The following OSBPL1A variants were observed in gnomAD, a reference collection of about 807,000 sequenced individuals.
The protein encoded by OSBPL1A is oxysterol-binding protein-related protein 1.
A neutral mutation model predicts 137.1 loss-of-function variants in OSBPL1A; 80 were observed. The ratio of observed to expected loss-of-function variants is 0.58; its 90% CI spans 0.49 to 0.70. The LOEUF (loss-of-function observed/expected upper bound fraction) is 0.70. Ranked by LOEUF, OSBPL1A falls within the 30% of genes least tolerant of loss-of-function variation. The pLI, the probability that OSBPL1A is intolerant of heterozygous loss-of-function variation, is 0.00. For missense variants in OSBPL1A, 970 were observed against 1,129.4 expected, an observed-to-expected ratio of 0.86 and a Z score of 2.02; for synonymous variants, 365 against 389.7, an observed-to-expected ratio of 0.94 and a Z score of 0.75.
chr18:24,296,996 A>C (rs2090304160), intron 14 of OSBPL1A, among the ~76,000 whole-genome samples: 1 of 152,140 alleles, frequency 6.6e-6, no homozygotes, highest in African/African-American at 2.4e-5. Context: ...TTTTGGTATT[A>C]GGGTGATACT....
intron 17 of OSBPL1A, among the ~76,000 whole-genome samples, chr18:24,224,158 G>A (rs1339022160): frequency 2.0e-5 from 3 of 151,984 alleles, no homozygotes; most frequent in Non-Finnish European, 4.4e-5. Flanking sequence ...GACATTTTTT[G>A]TTAACAAAGG....
intron 4 of OSBPL1A, chr18:24,357,430 G>T (rs2091555950): frequency 6.6e-6 from 1 of 152,160 alleles, no homozygotes; most frequent in African/African-American, 2.4e-5. Flanking sequence ...TTTGCGTGTG[G>T]TGGGCCTGGG....
intron 1 of OSBPL1A, among the ~76,000 whole-genome samples, chr18:24,389,436 T>C (rs1907172835): frequency 6.6e-6 from 1 of 152,200 alleles, no homozygotes; most frequent in African/African-American, 2.4e-5. Context: ...TATCATAAAA[T>C]TACTTAAACT....
At chr18:24,244,962 A>G (rs570138273) in intron 15 of OSBPL1A, among the ~76,000 whole-genome samples, 1 of 152,302 alleles carries the variant, frequency 6.6e-6, no homozygotes, top group East Asian at 1.9e-4. Flanking sequence ...AGATAGGTAC[A>G]ATTCTGACCT....
intron 13 of OSBPL1A, 44 bp downstream of exon 13, chr18:24,311,940 T>A (rs779983062): frequency 1.6e-5 from 25 of 1,609,002 alleles, no homozygotes; most frequent in Non-Finnish European, 2.0e-5. Flanking sequence ...TTAAACCTCA[T>A]GACATAGATA....
chr18:24,380,265 A>C (rs1218942711), intron 1 of OSBPL1A, among the ~76,000 whole-genome samples: 2 of 152,232 alleles, frequency 1.3e-5, no homozygotes, highest in African/African-American at 2.4e-5. Context: ...AAAATTAAAA[A>C]ACCAAGGAAG....
At chr18:24,219,280 G>T (rs1360033029) in intron 17 of OSBPL1A, among the ~76,000 whole-genome samples, 1 of 152,128 alleles carries the variant, frequency 6.6e-6, no homozygotes, top group East Asian at 1.9e-4. Flanking sequence ...GCAATGGGGT[G>T]AGACCCTGTC....
chr18:24,239,350 TTCTTGC>T lies in OSBPL1A; in HGVS notation c.1308_1313del (p.Gln437_Glu438del), dbSNP rs766983266. 4 of 1,614,016 alleles carry T rather than the reference TTCTTGC, an allele frequency of 2.5e-6. No homozygotes were observed. The highest frequency in any genetic ancestry group is 3.4e-6 in the Non-Finnish European group (4 of 1,179,958). ...GTGCTTCTGACAAGATTTTGTTTTT[TTCTTGC>T]TCTTGTTCCAATTTAAAATTCCTCA... On this transcript the variant is annotated inframe_deletion, in exon 16 of 28. Transcript: ENST00000319481.
intron 11 of OSBPL1A, among the ~76,000 whole-genome samples, chr18:24,315,594 T>TATC (rs2090705867): frequency 3.3e-5 from 1 of 30,540 alleles, no homozygotes; most frequent in African/African-American, 1.6e-4. Context: ...ATCATATTAA[T>TATC]ATTATTATAT....
Position 24,320,501 on chromosome 18 carries a change from G to A in OSBPL1A, c.626-1692C>T, listed in dbSNP as rs76217416. Among the ~76,000 whole-genome samples the A allele has an allele frequency of 1.4e-3, 206 of 152,222 alleles. 1 individual carries two copies. The highest frequency in any genetic ancestry group is 4.6e-3 in the African/African-American group (190 of 41,532). On this transcript the variant is annotated intron_variant, in intron 7 of 27. Transcript: ENST00000319481. ...TGAAAATACAGGGAAGGACATTCTA[G>A]CAGAGGAACAGCTGATGCAAAGGCT...
chr18:24,327,856 A>G lies in OSBPL1A; in HGVS notation c.625+5086T>C, dbSNP rs148198010. Among the ~76,000 whole-genome samples, 25 of 152,254 alleles carry G rather than the reference A, an allele frequency of 1.6e-4. No homozygotes were observed. In the East Asian group the frequency reaches 3.9e-3, roughly 23 times the overall value. ...TTTGAATACCAATAGTAACTTTTCAATATTTACAAGGGAAGTTTTTTTTTT... is the reference window on the plus strand; with the variant it reads ...TTTGAATACCAATAGTAACTTTTCAGTATTTACAAGGGAAGTTTTTTTTTT... On this transcript the variant is annotated intron_variant, in intron 7 of 27. Coordinates refer to ENST00000319481, the MANE Select transcript of OSBPL1A (RefSeq NM_080597.4).
At chr18:24,230,087 C>T (rs1266885858) in intron 16 of OSBPL1A, among the ~76,000 whole-genome samples, 1 of 152,176 alleles carries the variant, frequency 6.6e-6, no homozygotes, top group Non-Finnish European at 1.5e-5. Flanking sequence ...CTTCAATGTT[C>T]CCCCACATAT....
At chr18:24,293,721 T>G (rs1053592276) in intron 14 of OSBPL1A, among the ~76,000 whole-genome samples, 2 of 148,560 alleles carry the variant, frequency 1.3e-5, no homozygotes. Context: ...AACTGGGAGG[T>G]GGGGGGCTGA....
intron 14 of OSBPL1A, among the ~76,000 whole-genome samples, chr18:24,296,538 C>T (rs966699077): frequency 1.3e-5 from 2 of 152,086 alleles, no homozygotes; most frequent in African/African-American, 4.8e-5. Flanking sequence ...TCCAGTACTA[C>T]GTTGAATAGG....
Position 24,307,891 on chromosome 18 carries a change from G to C in OSBPL1A, c.1092+4093C>G, listed in dbSNP as rs571518926. On this transcript the variant is annotated intron_variant, in intron 13 of 27. Coordinates refer to ENST00000319481, the MANE Select transcript of OSBPL1A (RefSeq NM_080597.4). ...TGCAGCCTCCGCCTCGCAGGTTCAA[G>C]TGATTCTCGTGCCTCAGGCTCCTGT... Among the ~76,000 whole-genome samples, 490 of 151,578 alleles carry C rather than the reference G, an allele frequency of 3.2e-3. 4 individuals are homozygous for C. The highest frequency in any genetic ancestry group is 0.011 in the African/African-American group (462 of 41,270).
chr18:24,271,226 G>A lies in OSBPL1A; in HGVS notation c.1281+9616C>T, dbSNP rs920423735. ...GGTAAGTTCATCTCAATGTCAGCCG[G>A]AGCACAGCCATGCGAAAAATCACTA... On this transcript the variant is annotated intron_variant, in intron 15 of 27. Coordinates refer to ENST00000319481, the MANE Select transcript of OSBPL1A (RefSeq NM_080597.4). This position sits in a 1 kb window ranked among gnomAD's most constrained non-coding sequence, Gnocchi z 4.0. 3.9e-5 allele frequency among the ~76,000 whole-genome samples: 6 copies of A among 152,120 alleles called. No homozygotes were observed. Among genetic ancestry groups the A allele is most frequent in the African/African-American group, 1.2e-4 (5 of 41,422 alleles).
At chr18:24,340,231 G>GT (rs2091251505) in intron 5 of OSBPL1A, among the ~76,000 whole-genome samples, 1 of 152,138 alleles carries the variant, frequency 6.6e-6, no homozygotes, top group Non-Finnish European at 1.5e-5. Context: ...CATCAAAATG[G>GT]TTTTTGTTTT....
chr18:24,219,129 G>GA lies in OSBPL1A; in HGVS notation c.1601+5912dup, dbSNP rs111996260. 9.6e-3 allele frequency among the ~76,000 whole-genome samples: 1,426 copies of GA among 149,022 alleles called. 29 individuals carry two copies. Among genetic ancestry groups the GA allele is most frequent in the African/African-American group, 0.032 (1,305 of 40,652 alleles). On this transcript the variant is annotated intron_variant, in intron 17 of 27. Coordinates refer to ENST00000319481, the MANE Select transcript of OSBPL1A (RefSeq NM_080597.4). ...GTAACATAGCAAGGCCTCATATCTG[G>GA]AAAAAAAAAATTAATTAGCTAGGCA...
intron 15 of OSBPL1A, among the ~76,000 whole-genome samples, chr18:24,257,046 T>C (rs1057037765): frequency 1.5e-5 from 2 of 136,940 alleles, no homozygotes. Context: ...AAAATGTCCA[T>C]ACTATTCAAA....
Sources: gnomAD v4.1 joint callset for allele counts (sites outside exome capture counted in the v4.1 genomes callset) on GRCh38, gnomAD v4.1.1 for gene constraint, Gnocchi (gnomAD v3.1) non-coding constraint, MANE v1.5 for transcripts, NCBI Gene and HGNC (gene_info 2026-07-23, HGNC 2026-07-21) for gene names.